Variants in GNAL observed in about 807,000 individuals in gnomAD.
GNAL encodes the protein guanine nucleotide-binding protein G(olf) subunit alpha.
Under a neutral mutation model 55.1 loss-of-function variants are expected in GNAL, and 18 were observed. The observed-to-expected ratio is 0.33, with a 90% confidence interval of 0.23 to 0.48. GNAL has a LOEUF of 0.48. Among genes scored for constraint, GNAL ranks in the 20% least tolerant of loss-of-function variants. The pLI is 0.99. For synonymous variants in GNAL, 253 were observed against 237.0 expected (o/e 1.07, Z -0.62); for missense variants, 412 against 614.1 (o/e 0.67, Z 3.48).
At chr18:11,781,336 C>G (rs560842298) in intron 4 of GNAL, among the ~76,000 whole-genome samples, 142 of 152,280 alleles carry the variant, frequency 9.3e-4, no homozygotes, top group Non-Finnish European at 1.8e-4. Flanking sequence ...AAAGCCCAAC[C>G]TTGGATTGAG....
At chr18:11,750,042 C>T (rs1028696083) in intron 1 of GNAL, among the ~76,000 whole-genome samples, 1 of 152,128 alleles carries the variant, frequency 6.6e-6, no homozygotes, top group East Asian at 1.9e-4. Flanking sequence ...GGAAACCGTC[C>T]GGAGGCCTCT....
At chr18:11,880,938 A>G in intron 11 of GNAL, 51 bp from the exon 12 acceptor site, 1 of 1,581,458 alleles carries the variant, frequency 6.3e-7, no homozygotes, top group Non-Finnish European at 8.6e-7. Context: ...GTCCTTCCCC[A>G]GAGTACATGC....
chr18:11,865,755 T>TAAAA (rs777122802), intron 7 of GNAL, among the ~76,000 whole-genome samples: 1 of 81,208 alleles, frequency 1.2e-5, no homozygotes, highest in Non-Finnish European at 2.4e-5. Flanking sequence ...ACCCTGTCTC[T>TAAAA]AAAAAAAAAA....
At chr18:11,797,281 A>T (rs979560859) in intron 4 of GNAL, among the ~76,000 whole-genome samples, 1 of 152,174 alleles carries the variant, frequency 6.6e-6, no homozygotes, top group Non-Finnish European at 1.5e-5. Flanking sequence ...TTATGTTGCT[A>T]TATTGTTTCT....
intron 4 of GNAL, among the ~76,000 whole-genome samples, chr18:11,788,914 A>AAAAATATAT (rs60071996): frequency 4.3e-4 from 24 of 56,294 alleles, no homozygotes; most frequent in African/African-American, 1.1e-3. Context: ...AAAAAAAAAA[A>AAAAATATAT]ATATATATAT....
chr18:11,847,958 C>A (rs1324557878), intron 5 of GNAL, among the ~76,000 whole-genome samples: 1 of 152,044 alleles, frequency 6.6e-6, no homozygotes, highest in Admixed American at 6.6e-5. Context: ...ATTCAGATAC[C>A]ACGGTGGTCA....
At chr18:11,834,966 G>A (rs535380177) in intron 5 of GNAL, among the ~76,000 whole-genome samples, 1 of 152,182 alleles carries the variant, frequency 6.6e-6, no homozygotes, top group Admixed American at 6.5e-5. Flanking sequence ...TTAGGGACTC[G>A]CTTCTACCGT....
chr18:11,787,670 C>T (rs929819900), intron 4 of GNAL, among the ~76,000 whole-genome samples: 1 of 152,040 alleles, frequency 6.6e-6, no homozygotes, highest in Admixed American at 6.5e-5. Flanking sequence ...GTCAGGAGAT[C>T]GAGACCATCC....
chr18:11,880,294 C>T (rs1048532286), intron 11 of GNAL, among the ~76,000 whole-genome samples: 6 of 149,348 alleles, frequency 4.0e-5, no homozygotes, highest in Admixed American at 1.3e-4. Flanking sequence ...TTAGGTGGGG[C>T]ACAGTGGCTC....
intron 5 of GNAL, among the ~76,000 whole-genome samples, chr18:11,826,810 C>G (rs189952233): frequency 2.0e-5 from 3 of 152,302 alleles, no homozygotes; most frequent in Non-Finnish European, 4.4e-5. Flanking sequence ...GTGGAGGCAT[C>G]GAGCAGTCAG....
intron 6 of GNAL, among the ~76,000 whole-genome samples, chr18:11,863,049 T>G (rs1445183354): frequency 3.3e-5 from 5 of 152,116 alleles, no homozygotes; most frequent in Admixed American, 6.5e-5. Flanking sequence ...CAGCTAATTT[T>G]TGTATTTTTA....
At chr18:11,727,924 G>A (rs528408790) in intron 1 of GNAL, among the ~76,000 whole-genome samples, 90 of 152,314 alleles carry the variant, frequency 5.9e-4, no homozygotes, top group African/African-American at 1.8e-3. Flanking sequence ...GCAACAGAAG[G>A]CAGTTTTAAG....
At chr18:11,773,876 ATTATGG>A (rs1421026986) in intron 4 of GNAL, among the ~76,000 whole-genome samples, 1 of 152,204 alleles carries the variant, frequency 6.6e-6, no homozygotes, top group Non-Finnish European at 1.5e-5. Flanking sequence ...GTTCCTTAAC[ATTATGG>A]TTAAGAGTGC....
intron 1 of GNAL, among the ~76,000 whole-genome samples, chr18:11,717,421 G>A (rs540202513): frequency 5.3e-5 from 8 of 152,348 alleles, no homozygotes; most frequent in South Asian, 2.1e-4. Context: ...AGGAGGCCCC[G>A]AGAGCGAGTG....
chr18:11,825,824 A>G (rs2035229184), intron 5 of GNAL, among the ~76,000 whole-genome samples: 1 of 147,918 alleles, frequency 6.8e-6, no homozygotes, highest in Admixed American at 6.8e-5. Context: ...TTGTTTTGCT[A>G]TGTTAGATAT....
chr18:11,851,860 A>C lies in GNAL; in HGVS notation c.723-10535A>C, dbSNP rs770409909. Reference sequence around the variant, plus strand: ...GGAGAAGATTTCTGCTTTGATGGACAAATTCGAGCACCAGTTTGAGACTCT... The same window carrying C: ...GGAGAAGATTTCTGCTTTGATGGACCAATTCGAGCACCAGTTTGAGACTCT... On this transcript the variant is annotated intron_variant, in intron 5 of 11. Transcript: ENST00000334049. 4.3e-6 allele frequency: 7 copies of C among 1,614,010 alleles called. No individual in the cohort carries two copies. The South Asian group carries it at 7.7e-5, about 18-fold the overall frequency.
Position 11,881,226 on chromosome 18 carries a change from A to G in GNAL, c.*91A>G, listed in dbSNP as rs2036683354. The G allele has an allele frequency of 7.9e-7, 1 of 1,267,340 alleles. No individual in the cohort carries two copies. Among genetic ancestry groups the G allele is most frequent in the Non-Finnish European group, 1.1e-6 (1 of 920,272 alleles). 78.5% of individuals were successfully genotyped at this position (1,267,340 alleles called of 1,614,324 possible). A position where few individuals can be genotyped will look rare whatever the true frequency, so the allele number is the denominator to read the frequency against. ...GGTAGGAGGCAGAGTCTCTAGTTCC[A>G]TCTCGCTGCCGTCTGTCCCGTTCTG... On this transcript the variant is annotated 3_prime_UTR_variant, in exon 12 of 12. Coordinates refer to ENST00000334049, the MANE Select transcript of GNAL (RefSeq NM_182978.4). The surrounding 1 kb of genome is among the most constrained non-coding windows in gnomAD (Gnocchi z 4.8).
chr18:11,773,666 C>G (rs1192538473), intron 4 of GNAL, among the ~76,000 whole-genome samples: 1 of 152,146 alleles, frequency 6.6e-6, no homozygotes, highest in Non-Finnish European at 1.5e-5. Context: ...TGCCTGTGGT[C>G]CCAGCTTTTC....
chr18:11,850,535 T>G (rs1331073357), intron 5 of GNAL, among the ~76,000 whole-genome samples: 1 of 152,222 alleles, frequency 6.6e-6, no homozygotes, highest in African/African-American at 2.4e-5. Context: ...CCAGCATTTT[T>G]AAAGGGCGTA....
Sources: allele counts gnomAD v4.1 joint callset (sites outside exome capture counted in the v4.1 genomes callset), GRCh38; gene constraint gnomAD v4.1.1; non-coding constraint Gnocchi (gnomAD v3.1); transcripts MANE v1.5; gene names NCBI Gene and HGNC (gene_info 2026-07-23, HGNC 2026-07-21).